The following SPON1 variants were observed in gnomAD, a reference collection of about 807,000 sequenced individuals.
SPON1 encodes the protein spondin-1.
In SPON1, 52 loss-of-function variants were observed where a neutral mutation model predicts 111.7. That is an observed-to-expected ratio of 0.47 (90% confidence interval 0.37 to 0.59). The LOEUF (loss-of-function observed/expected upper bound fraction) is 0.59, where lower values mean the gene tolerates loss of function less well. SPON1 is among the 20% of genes least tolerant of loss of function. SPON1 has a pLI of 0.00. For missense variants in SPON1, 957 were observed against 1,068.5 expected (o/e 0.90, Z 1.46); for synonymous variants, 410 against 395.8 (o/e 1.04, Z -0.43).
intron 11 of SPON1, 104 bp downstream of exon 11, chr11:14,258,002 C>G: frequency 9.2e-7 from 1 of 1,090,854 alleles, no homozygotes; most frequent in Non-Finnish European, 1.3e-6. Flanking sequence ...AGGACCCTGA[C>G]AGTAGATGTC....
intron 6 of SPON1, 52 bp from the exon 7 acceptor site, chr11:14,243,280 G>T: frequency 3.3e-6 from 5 of 1,519,322 alleles, no homozygotes; most frequent in Non-Finnish European, 1.8e-6. Flanking sequence ...AAGCCCTATT[G>T]TTCCCATGAG....
At position 13,968,627 on chromosome 11, in the gene SPON1, C is replaced by T. The variant is rs909087618; in HGVS notation, c.238+5485C>T. On this transcript the variant is annotated intron_variant, in intron 1 of 15. Coordinates refer to ENST00000576479, the MANE Select transcript of SPON1 (RefSeq NM_006108.4). ...CAAAATTAATTTCACCCAGCTTGAG[C>T]TTATTTCTACTAAACAGCACTGTTT... 2.6e-5 allele frequency among the ~76,000 whole-genome samples: 4 copies of T among 152,200 alleles called. No homozygotes were observed. In the South Asian group the frequency reaches 6.2e-4, roughly 24 times the overall value.
At chr11:14,260,872 T>G in intron 14 of SPON1, 120 bp downstream of exon 14, 1 of 1,183,054 alleles carries the variant, frequency 8.5e-7, no homozygotes, top group Non-Finnish European at 1.2e-6. Flanking sequence ...GGGAAGAGTT[T>G]GGGGTTTGGC....
At chr11:14,014,184 G>C (rs1347305573) in intron 2 of SPON1, among the ~76,000 whole-genome samples, 3 of 152,152 alleles carry the variant, frequency 2.0e-5, no homozygotes, top group African/African-American at 7.2e-5. Flanking sequence ...ACGTGGACAA[G>C]GTGGGTGCAG....
At chr11:13,995,711 T>A (rs913663316) in intron 2 of SPON1, among the ~76,000 whole-genome samples, 1 of 152,130 alleles carries the variant, frequency 6.6e-6, no homozygotes, top group Non-Finnish European at 1.5e-5. Context: ...AACTTCCCAG[T>A]TCAGTATTTT....
chr11:13,998,581 A>G lies in SPON1; in HGVS notation c.345+15628A>G, dbSNP rs143531333. Among the ~76,000 whole-genome samples, 122 of 152,274 alleles carry G rather than the reference A, an allele frequency of 8.0e-4. 1 individual carries two copies. Among genetic ancestry groups the G allele is most frequent in the African/African-American group, 2.7e-3 (113 of 41,560 alleles). On this transcript the variant is annotated intron_variant, in intron 2 of 15. Transcript: ENST00000576479. ...GTTCTTCGCTCACTGTGTTACCCTG[A>G]TGAGTTAAATTCCCATTCCCCTACA...
chr11:14,035,983 T>C (rs1356610387), intron 2 of SPON1, among the ~76,000 whole-genome samples: 1 of 152,056 alleles, frequency 6.6e-6, no homozygotes, highest in Non-Finnish European at 1.5e-5. Flanking sequence ...GGTGATGAAA[T>C]GATGACTATT....
chr11:14,030,923 C>T (rs953264608), intron 2 of SPON1, among the ~76,000 whole-genome samples: 2 of 152,210 alleles, frequency 1.3e-5, no homozygotes, highest in Admixed American at 1.3e-4. Flanking sequence ...CATTACAGTA[C>T]TATTCACAAT....
chr11:14,230,293 G>T (rs995518300), intron 6 of SPON1, among the ~76,000 whole-genome samples: 11 of 152,130 alleles, frequency 7.2e-5, no homozygotes, highest in African/African-American at 2.4e-4. Flanking sequence ...ATGGAAATCA[G>T]TTGATAAAGG....
In SPON1 at chr11:14,141,361, T is replaced by C. The variant is rs116459936; in HGVS notation, c.825+5793T>C. 7.6e-3 allele frequency among the ~76,000 whole-genome samples: 1,153 copies of C among 152,326 alleles called. 23 individuals carry two copies. The highest frequency in any genetic ancestry group is 0.027 in the African/African-American group (1,106 of 41,560). On this transcript the variant is annotated intron_variant, in intron 6 of 15. Transcript: ENST00000576479. ...TAATATCTGTAGCACCTAACAAATA[T>C]CTGAATTGATGACAAGCAAGCCATG...
intron 1 of SPON1, among the ~76,000 whole-genome samples, chr11:13,974,839 A>G (rs1848089885): frequency 6.6e-6 from 1 of 152,142 alleles, no homozygotes; most frequent in Admixed American, 6.6e-5. Flanking sequence ...GCCTTTGATC[A>G]TCTTCCCCCT....
intron 15 of SPON1, among the ~76,000 whole-genome samples, chr11:14,264,931 G>A (rs1418414090): frequency 6.6e-6 from 1 of 152,154 alleles, no homozygotes; most frequent in Non-Finnish European, 1.5e-5. Flanking sequence ...AAGAGAAAGT[G>A]GTTTAGTGTT....
chr11:13,984,150 T>C (rs1848164806), intron 2 of SPON1, among the ~76,000 whole-genome samples: 1 of 152,220 alleles, frequency 6.6e-6, no homozygotes, highest in South Asian at 2.1e-4. Flanking sequence ...CCAGACACTA[T>C]GCTAAGTGCT....
At chr11:14,229,460 C>A (rs1848772029) in intron 6 of SPON1, among the ~76,000 whole-genome samples, 1 of 152,144 alleles carries the variant, frequency 6.6e-6, no homozygotes, top group Non-Finnish European at 1.5e-5. Context: ...GTGGGTCAGG[C>A]AGTAGTGAGA....
intron 6 of SPON1, among the ~76,000 whole-genome samples, chr11:14,155,345 C>T (rs1163868281): frequency 6.6e-6 from 1 of 152,080 alleles, no homozygotes; most frequent in Non-Finnish European, 1.5e-5. Flanking sequence ...TTCATTGGCT[C>T]ACAGTTCCAC....
chr11:13,973,229 G>T (rs1162211956), intron 1 of SPON1, among the ~76,000 whole-genome samples: 1 of 152,212 alleles, frequency 6.6e-6, no homozygotes, highest in African/African-American at 2.4e-5. Context: ...TGGGTCACAT[G>T]GCCAGGGCAA....
chr11:14,265,908 AGAG>A lies in SPON1; in HGVS notation c.*225_*227del, dbSNP rs1329142812. On this transcript the variant is annotated 3_prime_UTR_variant, in exon 16 of 16. Transcript: ENST00000576479. ...TCACCTCCAGCCAGCCTCTTCCTGCAGAGGAGTAGTGTCAGCCACCTTGTACTA... is the reference window on the plus strand; with the variant it reads ...TCACCTCCAGCCAGCCTCTTCCTGCAGAGTAGTGTCAGCCACCTTGTACTA... The A allele has an allele frequency of 5.6e-5, 28 of 496,144 alleles. No individual in the cohort carries two copies. Among genetic ancestry groups the A allele is most frequent in the East Asian group, 1.5e-4 (4 of 26,830 alleles). The allele number at this position is 496,144 out of a possible 1,614,324, so 30.7% of individuals were successfully genotyped here.
chr11:14,018,572 A>T (rs1476309843), intron 2 of SPON1, among the ~76,000 whole-genome samples: 1 of 152,164 alleles, frequency 6.6e-6, no homozygotes, highest in Non-Finnish European at 1.5e-5. Flanking sequence ...GTTGACATGG[A>T]TGAGAAAAGA....
chr11:14,171,789 T>C (rs1334955946), intron 6 of SPON1, among the ~76,000 whole-genome samples: 1 of 152,204 alleles, frequency 6.6e-6, no homozygotes, highest in Non-Finnish European at 1.5e-5. Flanking sequence ...AGTTTCCATG[T>C]AGTTGAGCGG....
Sources: allele counts gnomAD v4.1 joint callset (sites outside exome capture counted in the v4.1 genomes callset), GRCh38; gene constraint gnomAD v4.1.1; transcripts MANE v1.5; gene names NCBI Gene and HGNC (gene_info 2026-07-23, HGNC 2026-07-21).